Variants in SORCS1 observed in about 807,000 individuals in gnomAD.
SORCS1 encodes VPS10 domain-containing receptor SorCS1.
Under a neutral mutation model 146.1 loss-of-function variants are expected in SORCS1, and 60 were observed. That is an observed-to-expected ratio of 0.41 (90% CI 0.33 to 0.51). The LOEUF (loss-of-function observed/expected upper bound fraction) is 0.51, where lower values mean the gene tolerates loss of function less well. SORCS1 is among the 20% of genes least tolerant of loss of function. The pLI is 0.21. For synonymous variants in SORCS1, 637 were observed against 584.0 expected (o/e 1.09, Z -1.31); for missense variants, 1,352 against 1,487.6 (o/e 0.91, Z 1.50).
chr10:106,599,593 A>T (rs565624228), intron 23 of SORCS1, among the ~76,000 whole-genome samples: 1 of 152,260 alleles, frequency 6.6e-6, no homozygotes, highest in Non-Finnish European at 1.5e-5. Flanking sequence ...ACACAGATAC[A>T]GAATTTCAGA....
At chr10:106,752,299 G>T (rs759732842) in intron 5 of SORCS1, among the ~76,000 whole-genome samples, 1 of 152,132 alleles carries the variant, frequency 6.6e-6, no homozygotes, top group Non-Finnish European at 1.5e-5. Flanking sequence ...ACTAAAGAAG[G>T]CTCCATGGCA....
At chr10:106,707,080 C>T (rs1286014982) in intron 7 of SORCS1, among the ~76,000 whole-genome samples, 2 of 152,038 alleles carry the variant, frequency 1.3e-5, no homozygotes, top group South Asian at 2.1e-4. Context: ...GATGGTGTTA[C>T]ACTGATGATT....
intron 1 of SORCS1, among the ~76,000 whole-genome samples, chr10:107,163,483 A>G (rs1018966284): frequency 4.6e-5 from 7 of 152,152 alleles, no homozygotes; most frequent in African/African-American, 1.7e-4. Flanking sequence ...GTGGAGAAGA[A>G]GGGGTTAGGA....
intron 1 of SORCS1, among the ~76,000 whole-genome samples, chr10:107,049,359 T>G (rs1959884239): frequency 6.6e-6 from 1 of 151,344 alleles, no homozygotes; most frequent in Admixed American, 6.6e-5. Context: ...GCATGGCACA[T>G]GTATACATAT....
At chr10:106,754,574 G>T (rs1858495143) in intron 5 of SORCS1, among the ~76,000 whole-genome samples, 1 of 152,262 alleles carries the variant, frequency 6.6e-6, no homozygotes, top group South Asian at 2.1e-4. Context: ...CTTAGCACAA[G>T]GCTTGGCACA....
At chr10:107,064,250 C>G (rs1398405970) in intron 1 of SORCS1, among the ~76,000 whole-genome samples, 1 of 152,108 alleles carries the variant, frequency 6.6e-6, no homozygotes, top group Non-Finnish European at 1.5e-5. Context: ...TCCTAAACCC[C>G]GATCTGGAAG....
intron 2 of SORCS1, among the ~76,000 whole-genome samples, chr10:106,939,436 C>G (rs1209218014): frequency 1.3e-5 from 2 of 152,200 alleles, no homozygotes; most frequent in African/African-American, 4.8e-5. Flanking sequence ...GGCGATGATG[C>G]AGGACATTCA....
At chr10:107,165,072 G>A (rs1970006044), upstream of SORCS1, among the ~76,000 whole-genome samples, 1 of 152,058 alleles carries the variant, frequency 6.6e-6, no homozygotes, top group South Asian at 2.1e-4. This position sits in a 1 kb window ranked among gnomAD's most constrained non-coding sequence, Gnocchi z 4.0. Flanking sequence ...CTGCTTTATT[G>A]TTTCTATGAG....
intron 1 of SORCS1, among the ~76,000 whole-genome samples, chr10:107,072,016 C>G (rs1962467719): frequency 6.6e-6 from 1 of 152,212 alleles, no homozygotes; most frequent in African/African-American, 2.4e-5. Context: ...TCTGGTGGAA[C>G]ACCAGGCAAT....
chr10:106,800,042 A>C (rs1255413166), intron 3 of SORCS1, among the ~76,000 whole-genome samples: 1 of 152,180 alleles, frequency 6.6e-6, no homozygotes, highest in Non-Finnish European at 1.5e-5. Flanking sequence ...GAGATCAAGC[A>C]GGACCTATTA....
At chr10:106,800,947 TC>T (rs1446328545) in intron 3 of SORCS1, among the ~76,000 whole-genome samples, 1 of 152,158 alleles carries the variant, frequency 6.6e-6, no homozygotes, top group Non-Finnish European at 1.5e-5. Flanking sequence ...ATTAATGCTA[TC>T]CCCAGATCAA....
At chr10:106,711,965 T>TTTA (rs1855025872) in intron 6 of SORCS1, among the ~76,000 whole-genome samples, 3 of 152,220 alleles carry the variant, frequency 2.0e-5, no homozygotes, top group Non-Finnish European at 4.4e-5. Flanking sequence ...AGAACTGGGC[T>TTTA]TGAATTCTGG....
chr10:107,116,804 G>A (rs542285301), intron 1 of SORCS1, among the ~76,000 whole-genome samples: 43 of 152,172 alleles, frequency 2.8e-4, no homozygotes, highest in Admixed American at 3.9e-4. Flanking sequence ...AAATAATCAC[G>A]TTGTACACAT....
At chr10:106,635,117 A>G (rs1051084764) in intron 18 of SORCS1, among the ~76,000 whole-genome samples, 2 of 152,206 alleles carry the variant, frequency 1.3e-5, no homozygotes, top group East Asian at 3.9e-4. Context: ...TATTAACCTG[A>G]GCAATGAAAG....
intron 10 of SORCS1, among the ~76,000 whole-genome samples, chr10:106,684,718 A>G (rs1012644475): frequency 3.3e-5 from 5 of 152,138 alleles, no homozygotes; most frequent in African/African-American, 1.2e-4. Flanking sequence ...CCTGCTGAAA[A>G]AATCTCTTTT....
At chr10:107,081,690 G>C (rs1017959682) in intron 1 of SORCS1, among the ~76,000 whole-genome samples, 4 of 152,174 alleles carry the variant, frequency 2.6e-5, no homozygotes, top group Non-Finnish European at 5.9e-5. Flanking sequence ...AAGAAAAAGA[G>C]TGAAAAAAAG....
At chr10:106,765,518 T>TG (rs1691241011) in intron 4 of SORCS1, among the ~76,000 whole-genome samples, 1 of 152,124 alleles carries the variant, frequency 6.6e-6, no homozygotes, top group African/African-American at 2.4e-5. Flanking sequence ...TTGAGCCAAC[T>TG]GTTAGGCATC....
At chr10:106,991,333 T>C (rs1956764078) in intron 1 of SORCS1, among the ~76,000 whole-genome samples, 1 of 152,210 alleles carries the variant, frequency 6.6e-6, no homozygotes, top group South Asian at 2.1e-4. Flanking sequence ...ACAAGCTGGA[T>C]AGGAAGATGA....
chr10:106,970,400 G>A (rs568779420), intron 1 of SORCS1, among the ~76,000 whole-genome samples: 129 of 142,072 alleles, frequency 9.1e-4, no homozygotes, highest in African/African-American at 3.1e-3. Context: ...GTGCAGTGGC[G>A]TGATCCCTGC....
Sources: gnomAD v4.1 joint callset for allele counts (sites outside exome capture counted in the v4.1 genomes callset) on GRCh38, gnomAD v4.1.1 for gene constraint, Gnocchi (gnomAD v3.1) non-coding constraint, MANE v1.5 for transcripts, NCBI Gene and HGNC (gene_info 2026-07-23, HGNC 2026-07-21) for gene names.